Variants in GUCY1A2 observed in about 807,000 individuals in gnomAD.
GUCY1A2 encodes the protein guanylate cyclase soluble subunit alpha-2.
In GUCY1A2, 27 loss-of-function variants were observed where a neutral mutation model predicts 63.5. The ratio of observed to expected loss-of-function variants is 0.43; its 90% CI spans 0.31 to 0.59. The LOEUF is 0.59. Among genes scored for constraint, GUCY1A2 ranks in the 20% least tolerant of loss-of-function variants. The pLI is 0.11. For missense variants in GUCY1A2, 768 were observed against 913.3 expected (o/e 0.84, Z 2.05); for synonymous variants, 364 against 343.5 (o/e 1.06, Z -0.66).
intron 4 of GUCY1A2, among the ~76,000 whole-genome samples, chr11:106,894,806 A>G (rs1057377943): frequency 5.9e-5 from 9 of 152,176 alleles, no homozygotes; most frequent in Admixed American, 2.0e-4. Context: ...TATAAGGAGA[A>G]AAGATCTAAG....
chr11:106,799,212 G>A (rs891590839), intron 5 of GUCY1A2, among the ~76,000 whole-genome samples: 10 of 152,100 alleles, frequency 6.6e-5, no homozygotes, highest in African/African-American at 2.4e-4. Context: ...CCTCTTGAAG[G>A]AGAACTACAA....
intron 6 of GUCY1A2, among the ~76,000 whole-genome samples, chr11:106,755,795 A>T (rs1449564084): frequency 6.6e-6 from 1 of 152,086 alleles, no homozygotes; most frequent in Non-Finnish European, 1.5e-5. Flanking sequence ...AATCAGTGCA[A>T]TGTGGTGCTG....
intron 4 of GUCY1A2, among the ~76,000 whole-genome samples, chr11:106,852,211 T>C (rs1334739602): frequency 6.6e-6 from 1 of 151,988 alleles, no homozygotes; most frequent in Non-Finnish European, 1.5e-5. Context: ...GATTCTTTTT[T>C]ATGGGGTCTT....
intron 5 of GUCY1A2, among the ~76,000 whole-genome samples, chr11:106,797,990 A>G (rs1864797865): frequency 6.6e-6 from 1 of 152,184 alleles, no homozygotes; most frequent in Non-Finnish European, 1.5e-5. Flanking sequence ...TGGTTTTTTG[A>G]AAAGATTAAC....
At chr11:106,961,783 T>C (rs1366553781) in intron 3 of GUCY1A2, among the ~76,000 whole-genome samples, 1 of 152,236 alleles carries the variant, frequency 6.6e-6, no homozygotes, top group Middle Eastern at 3.2e-3. Flanking sequence ...GTTTGTTTTT[T>C]TTCTATCCCA....
At chr11:106,967,327 G>A (rs531968243) in intron 3 of GUCY1A2, among the ~76,000 whole-genome samples, 28 of 152,112 alleles carry the variant, frequency 1.8e-4, no homozygotes, top group African/African-American at 5.5e-4. Flanking sequence ...CTGTCCTCTC[G>A]GAATTAATAG....
chr11:106,840,620 T>A (rs1859183080), intron 4 of GUCY1A2, among the ~76,000 whole-genome samples: 1 of 151,920 alleles, frequency 6.6e-6, no homozygotes, highest in African/African-American at 2.4e-5. Context: ...TACATACACA[T>A]AAAGAGGTGT....
intron 6 of GUCY1A2, among the ~76,000 whole-genome samples, chr11:106,719,977 T>A (rs1863286081): frequency 6.6e-6 from 1 of 152,256 alleles, no homozygotes; most frequent in Admixed American, 6.5e-5. Context: ...ACATATATAC[T>A]ACTTCTTCAA....
rs190977885 is a variant in GUCY1A2, at chr11:106,681,220, C to T, written c.*6329G>A. ...ATTCTGAAGTCAAAATACTATCATA[C>T]TTACCAAAAACTTGTGTAGCTATCA... On this transcript the variant is annotated 3_prime_UTR_variant, in exon 8 of 8. Coordinates refer to ENST00000526355, the MANE Select transcript of GUCY1A2 (RefSeq NM_000855.3). 2 of 219,106 alleles carry T rather than the reference C, an allele frequency of 9.1e-6. No homozygotes were observed. Among genetic ancestry groups the T allele is most frequent in the Admixed American group, 1.2e-4 (2 of 17,322 alleles). The allele number at this position is 219,106 out of a possible 1,614,324, so 13.6% of individuals were successfully genotyped here.
At chr11:106,783,748 C>T (rs1405143110) in intron 5 of GUCY1A2, among the ~76,000 whole-genome samples, 5 of 152,304 alleles carry the variant, frequency 3.3e-5, no homozygotes, top group Admixed American at 2.0e-4. Context: ...GAACATGTAG[C>T]ATGTCGTTAG....
intron 4 of GUCY1A2, among the ~76,000 whole-genome samples, chr11:106,833,485 T>C (rs1322516409): frequency 1.3e-5 from 2 of 152,120 alleles, no homozygotes; most frequent in Non-Finnish European, 2.9e-5. Flanking sequence ...TCACCATTCT[T>C]GATTCCTTTT....
intron 6 of GUCY1A2, among the ~76,000 whole-genome samples, chr11:106,744,190 A>C (rs1450784300): frequency 6.6e-6 from 1 of 152,164 alleles, no homozygotes; most frequent in Non-Finnish European, 1.5e-5. Flanking sequence ...AAACTCTGTA[A>C]ACTTCTAGTA....
chr11:106,745,189 T>C (rs1430123349), intron 6 of GUCY1A2, among the ~76,000 whole-genome samples: 2 of 152,158 alleles, frequency 1.3e-5, no homozygotes, highest in Non-Finnish European at 2.9e-5. Context: ...TATATTACTA[T>C]ATTTAGACTG....
At chr11:107,017,007 C>T (rs576024826) in intron 1 of GUCY1A2, among the ~76,000 whole-genome samples, 2 of 152,160 alleles carry the variant, frequency 1.3e-5, no homozygotes, top group East Asian at 1.9e-4. Context: ...ATCTGCACAT[C>T]CTGCACATGT....
At chr11:106,849,049 A>T (rs1357949776) in intron 4 of GUCY1A2, among the ~76,000 whole-genome samples, 1 of 151,590 alleles carries the variant, frequency 6.6e-6, no homozygotes, top group Non-Finnish European at 1.5e-5. Context: ...GATTGTATAG[A>T]GTATCTTTAA....
chr11:106,879,593 T>C (rs986764791), intron 4 of GUCY1A2, among the ~76,000 whole-genome samples: 13 of 152,096 alleles, frequency 8.5e-5, no homozygotes, highest in African/African-American at 3.1e-4. Flanking sequence ...TTCTGGTATT[T>C]TTACTTGGTT....
chr11:106,930,356 G>A (rs1234360887), intron 4 of GUCY1A2, among the ~76,000 whole-genome samples: 4 of 152,232 alleles, frequency 2.6e-5, no homozygotes, highest in East Asian at 3.9e-4. Context: ...ACAGAGTCTC[G>A]CTCTGTCAAC....
intron 3 of GUCY1A2, among the ~76,000 whole-genome samples, chr11:106,957,836 G>A (rs1565343589): frequency 7.4e-6 from 1 of 135,648 alleles, no homozygotes; most frequent in Non-Finnish European, 1.5e-5. Context: ...CTGCAGTCCA[G>A]TCTGAGCAAA....
chr11:106,909,406 T>C (rs1860262042), intron 4 of GUCY1A2, among the ~76,000 whole-genome samples: 2 of 145,104 alleles, frequency 1.4e-5, no homozygotes, highest in African/African-American at 5.0e-5. Flanking sequence ...TTTCATTCTC[T>C]GCAACTTTTT....
Sources: allele counts gnomAD v4.1 joint callset (sites outside exome capture counted in the v4.1 genomes callset), GRCh38; gene constraint gnomAD v4.1.1; transcripts MANE v1.5; gene names NCBI Gene and HGNC (gene_info 2026-07-23, HGNC 2026-07-21).